DLG2: variants seen among roughly 807,000 people sequenced by gnomAD.
The protein encoded by DLG2 is disks large homolog 2.
In DLG2, 45 loss-of-function variants were observed where a neutral mutation model predicts 132.5. The observed-to-expected ratio is 0.34, with a 90% confidence interval of 0.27 to 0.44. DLG2 has a LOEUF of 0.44. DLG2 is among the 20% of genes least tolerant of loss of function. The pLI is 1.00. For missense variants in DLG2, 1,045 were observed against 1,196.9 expected (o/e 0.87, Z 1.87); for synonymous variants, 424 against 419.6 (o/e 1.01, Z -0.13).
At chr11:84,464,240 A>G (rs1021690495) in intron 7 of DLG2, among the ~76,000 whole-genome samples, 2 of 151,146 alleles carry the variant, frequency 1.3e-5, no homozygotes, top group Non-Finnish European at 3.0e-5. Flanking sequence ...GTACACAAGC[A>G]TATCAACAGA....
intron 3 of DLG2, among the ~76,000 whole-genome samples, chr11:85,397,626 A>G (rs1010137472): frequency 1.3e-5 from 2 of 152,204 alleles, no homozygotes; most frequent in Non-Finnish European, 2.9e-5. Flanking sequence ...AGGAGTTGCA[A>G]TCCTAGTCTC....
At chr11:84,660,100 A>G (rs1343701885) in intron 6 of DLG2, among the ~76,000 whole-genome samples, 2 of 152,054 alleles carry the variant, frequency 1.3e-5, no homozygotes, top group Non-Finnish European at 2.9e-5. Flanking sequence ...TAAGGCTGAA[A>G]TTTAGTCTCC....
rs544955689 is a variant in DLG2, at chr11:85,392,888, G to A, written c.41-107523C>T. On this transcript the variant is annotated intron_variant, in intron 3 of 27. Coordinates refer to ENST00000376104, the MANE Select transcript of DLG2 (RefSeq NM_001142699.3). ...CACAAAAATTCTAGAAGATAACATC[G>A]GAAAAACCCTTCTAGACATTGACTT... 1.7e-4 allele frequency among the ~76,000 whole-genome samples: 26 copies of A among 152,084 alleles called. No homozygotes were observed. In the South Asian group the frequency reaches 3.9e-3, roughly 23 times the overall value.
At chr11:84,110,598 G>A (rs1337426756) in intron 9 of DLG2, among the ~76,000 whole-genome samples, 9 of 152,112 alleles carry the variant, frequency 5.9e-5, no homozygotes, top group African/African-American at 7.2e-5. Flanking sequence ...ATCCCAAAGA[G>A]GAGAACAGAA....
At chr11:84,377,854 C>G (rs577663611) in intron 7 of DLG2, among the ~76,000 whole-genome samples, 1 of 152,128 alleles carries the variant, frequency 6.6e-6, no homozygotes, top group Non-Finnish European at 1.5e-5. Flanking sequence ...AATACTGAAG[C>G]CACCAGCTTC....
intron 4 of DLG2, among the ~76,000 whole-genome samples, chr11:85,164,061 T>G (rs78335777): frequency 0.027 from 4,117 of 152,080 alleles, 205 homozygotes; most frequent in African/African-American, 0.094. Flanking sequence ...TGAAGCCAAA[T>G]TATAGAAAGG....
chr11:84,993,909 G>A (rs1042324738), intron 6 of DLG2, among the ~76,000 whole-genome samples: 5 of 151,996 alleles, frequency 3.3e-5, no homozygotes, highest in Non-Finnish European at 7.4e-5. Flanking sequence ...AACAGACCCC[G>A]CACCAGCAGC....
intron 4 of DLG2, among the ~76,000 whole-genome samples, chr11:85,281,402 A>G (rs190688094): frequency 2.0e-5 from 3 of 152,152 alleles, no homozygotes; most frequent in African/African-American, 7.2e-5. Flanking sequence ...TAATGATCCC[A>G]TTGTTCTTCC....
chr11:84,819,544 A>G (rs192436249), intron 6 of DLG2, among the ~76,000 whole-genome samples: 1 of 151,694 alleles, frequency 6.6e-6, no homozygotes, highest in Admixed American at 6.6e-5. Flanking sequence ...CTCTTAGACA[A>G]TGGAGATAAC....
intron 6 of DLG2, among the ~76,000 whole-genome samples, chr11:84,724,767 C>T (rs1261087166): frequency 6.6e-6 from 1 of 152,154 alleles, no homozygotes; most frequent in Non-Finnish European, 1.5e-5. Context: ...TGATGACTTT[C>T]AATCACAAAT....
chr11:85,177,659 T>C (rs777779425), intron 4 of DLG2, among the ~76,000 whole-genome samples: 2 of 152,004 alleles, frequency 1.3e-5, no homozygotes, highest in Non-Finnish European at 2.9e-5. Context: ...ATCCTACATA[T>C]ATACCCCAGA....
At chr11:83,845,364 CT>C (rs2058416097) in intron 16 of DLG2, among the ~76,000 whole-genome samples, 1 of 152,226 alleles carries the variant, frequency 6.6e-6, no homozygotes, top group African/African-American at 2.4e-5. Flanking sequence ...TTCAAAGCTG[CT>C]GGTTGATTAC....
chr11:84,010,853 G>A (rs528724681), intron 11 of DLG2, among the ~76,000 whole-genome samples: 5 of 152,088 alleles, frequency 3.3e-5, no homozygotes, highest in South Asian at 2.1e-4. Context: ...GTCTCGAGTC[G>A]ATCAATTAAT....
At chr11:84,802,792 ATC>A in intron 6 of DLG2, among the ~76,000 whole-genome samples, 1 of 152,032 alleles carries the variant, frequency 6.6e-6, no homozygotes, top group Non-Finnish European at 1.5e-5. Context: ...CTTTTTCCTC[ATC>A]TTTTCTTTTC....
At chr11:85,229,060 T>C (rs1366769364) in intron 4 of DLG2, among the ~76,000 whole-genome samples, 2 of 151,900 alleles carry the variant, frequency 1.3e-5, no homozygotes, top group Non-Finnish European at 2.9e-5. Flanking sequence ...ACTGAATTAA[T>C]GTTATACCAC....
At chr11:83,558,387 T>C (rs2096555370) in intron 19 of DLG2, among the ~76,000 whole-genome samples, 2 of 152,178 alleles carry the variant, frequency 1.3e-5, no homozygotes, top group African/African-American at 4.8e-5. Flanking sequence ...TGAAAATACA[T>C]GTTATGTATT....
chr11:84,802,756 A>C (rs1384672756), intron 6 of DLG2, among the ~76,000 whole-genome samples: 1 of 151,990 alleles, frequency 6.6e-6, no homozygotes, highest in Non-Finnish European at 1.5e-5. Flanking sequence ...ATGAAAGTAG[A>C]AAAAAGCAAT....
At chr11:84,571,222 T>G (rs2099483000) in intron 6 of DLG2, among the ~76,000 whole-genome samples, 1 of 152,064 alleles carries the variant, frequency 6.6e-6, no homozygotes, top group Admixed American at 6.6e-5. Context: ...CTACCTCCTT[T>G]TCTTCCTCTT....
chr11:83,965,374 G>C lies in DLG2; in HGVS notation c.1151C>G (p.Pro384Arg), dbSNP rs977199258. 1.2e-6 allele frequency: 2 copies of C among 1,612,046 alleles called. No homozygotes were observed. The highest frequency in any genetic ancestry group is 1.7e-6 in the Non-Finnish European group (2 of 1,178,690). Residue 384 changes from proline to arginine, a missense_variant, in exon 13 of 28, where the codon CCC (proline) becomes CGC (arginine). Around this residue, in one of 4 missense-constraint regions of DLG2, gnomAD observed 261 missense variants for 256.1 expected, o/e 1.02. Coordinates refer to ENST00000376104, the MANE Select transcript of DLG2 (RefSeq NM_001142699.3). ...AGGATCAGTCATATAAATGGTAGTG[G>C]GTTTGCCAACTTTTAAATAAACTAC... ...SEVVYLKVGK[P>R]TTIYMTDPYG...
Sources: allele counts gnomAD v4.1 joint callset (sites outside exome capture counted in the v4.1 genomes callset), GRCh38; gene constraint gnomAD v4.1.1; regional missense constraint gnomAD v4.1.1; transcripts MANE v1.5; gene names NCBI Gene and HGNC (gene_info 2026-07-23, HGNC 2026-07-21).